Variants in PCDHA4 observed in about 807,000 individuals in gnomAD.
PCDHA4 encodes the protein protocadherin alpha 4, also known as protocadherin alpha-4.
PCDHA4 carries 49 observed loss-of-function variants against 61.4 expected under a neutral mutation model. The ratio of observed to expected loss-of-function variants is 0.80; its 90% CI spans 0.63 to 1.01. PCDHA4 has a LOEUF of 1.01. Ranked by LOEUF, PCDHA4 falls within the 50% of genes least tolerant of loss-of-function variation. The probability of loss-of-function intolerance (pLI) is 0.00; values close to 1 mark genes in which losing one functional copy is unlikely to be tolerated. For missense variants in PCDHA4, 1,254 were observed against 1,235.8 expected, an observed-to-expected ratio of 1.01 and a Z score of -0.22; for synonymous variants, 590 against 550.3, an observed-to-expected ratio of 1.07 and a Z score of -1.01.
At chr5:140,959,859 T>A (rs2095514385) in intron 1 of PCDHA4, among the ~76,000 whole-genome samples, 1 of 152,192 alleles carries the variant, frequency 6.6e-6, no homozygotes, top group South Asian at 2.1e-4. Context: ...AGGAATTATG[T>A]AGCAAAATCT....
In PCDHA4 at chr5:141,000,327, C is replaced by G. The variant is rs555445425; in HGVS notation, c.2534-9300C>G. On this transcript the variant is annotated intron_variant, in intron 3 of 3. Coordinates refer to ENST00000530339, the MANE Select transcript of PCDHA4 (RefSeq NM_018907.4). ...GAGTTCAAGACCAGCTTGGGCAACA[C>G]AGCAAGGCCCTATCTCTCTCTCTGT... is the stretch of plus-strand genomic sequence containing the variant. 3.5e-5 allele frequency among the ~76,000 whole-genome samples: 5 copies of G among 144,706 alleles called. No homozygotes were observed. The South Asian group carries it at 1.1e-3, about 32-fold the overall frequency. 94.9% of individuals were successfully genotyped at this position (144,706 alleles called of 152,430 possible). A position where few individuals can be genotyped will look rare whatever the true frequency, so the allele number is the denominator to read the frequency against.
At chr5:141,002,331 C>T (rs550513057) in intron 3 of PCDHA4, among the ~76,000 whole-genome samples, 1 of 152,372 alleles carries the variant, frequency 6.6e-6, no homozygotes, top group South Asian at 2.1e-4. Context: ...CGGGCTGCAT[C>T]CGCACCCCTT....
rs151227383 is a variant in PCDHA4 at position 140,808,720 on chromosome 5, T to C, written c.1533T>C (p.His511=). 2.3e-4 allele frequency: 366 copies of C among 1,612,062 alleles called. 1 individual carries two copies. In the African/African-American group the frequency reaches 3.8e-3, roughly 17 times the overall value. The stretch of plus-strand genomic sequence containing the variant: ...CGCTGTCGAGCTACGTTTCGGTGCA[T>C]GCGGAGAGCGGCAAGGTGTACGCGC... ...ERALSSYVSV[H]AESGKVYALQ... The change falls in exon 1 of 4, where the codon CAT becomes CAC. Residue 511 remains histidine, a synonymous_variant. Coordinates refer to ENST00000530339, the MANE Select transcript of PCDHA4 (RefSeq NM_018907.4).
chr5:140,877,458 G>C, intron 1 of PCDHA4: 1 of 1,613,814 alleles, frequency 6.2e-7, no homozygotes, highest in Non-Finnish European at 8.5e-7. Context: ...TGACGTCCAC[G>C]GCCACGGTGC....
rs1167217103 is a variant in PCDHA4, at chr5:140,852,143, C to G, written c.2385+42571C>G. 4 of 873,950 alleles carry G rather than the reference C, an allele frequency of 4.6e-6. No individual in the cohort carries two copies. The African/African-American group carries it at 7.3e-5, about 16-fold the overall frequency. 54.1% of individuals were successfully genotyped at this position (873,950 alleles called of 1,614,324 possible). A position where few individuals can be genotyped will look rare whatever the true frequency, so the allele number is the denominator to read the frequency against. ...AATTAAAAACTCAGTAGAGAAAGAT[C>G]AGAATGGCCTTGAGAATAGAGCCAC... is the stretch of plus-strand genomic sequence containing the variant. On this transcript the variant is annotated intron_variant, in intron 1 of 3. Transcript: ENST00000530339.
chr5:140,864,654 C>T (rs1554159035), intron 1 of PCDHA4: 1 of 152,246 alleles, frequency 6.6e-6, no homozygotes, highest in Non-Finnish European at 1.5e-5. Context: ...GTCAGCTCTA[C>T]TTAATTACCT....
intron 1 of PCDHA4, chr5:140,871,198 C>A: frequency 6.2e-7 from 1 of 1,613,730 alleles, no homozygotes; most frequent in Non-Finnish European, 8.5e-7. Flanking sequence ...CAACGTGTAC[C>A]TGATCATCGC....
chr5:140,943,276 AAGAAAG>A (rs2093462778), intron 1 of PCDHA4, among the ~76,000 whole-genome samples: 3 of 135,982 alleles, frequency 2.2e-5, no homozygotes, highest in African/African-American at 8.7e-5. Flanking sequence ...AAAAAAAAAA[AAGAAAG>A]AAAGAATTAA....
intron 3 of PCDHA4, among the ~76,000 whole-genome samples, chr5:140,996,531 G>C (rs782175834): frequency 6.6e-6 from 1 of 152,146 alleles, no homozygotes; most frequent in Non-Finnish European, 1.5e-5. Context: ...GGCCCTGTGT[G>C]TTTTGATATT....
intron 1 of PCDHA4, among the ~76,000 whole-genome samples, chr5:140,971,680 A>C (rs185214999): frequency 1.1e-4 from 17 of 152,268 alleles, no homozygotes; most frequent in African/African-American, 4.1e-4. Context: ...AGAGTAAGGG[A>C]ATTTGTACTC....
chr5:140,875,946 T>C, intron 1 of PCDHA4: 1 of 1,614,222 alleles, frequency 6.2e-7, no homozygotes, highest in Admixed American at 1.7e-5. Context: ...AGGGCGCTTC[T>C]GATGCGGATA....
chr5:140,878,802 A>T (rs2057733011), intron 1 of PCDHA4, among the ~76,000 whole-genome samples: 1 of 152,224 alleles, frequency 6.6e-6, no homozygotes, highest in Non-Finnish European at 1.5e-5. Context: ...TTTTAAAAAC[A>T]TATGGGGGTC....
intron 3 of PCDHA4, among the ~76,000 whole-genome samples, chr5:140,991,246 AT>A (rs1239917412): frequency 6.6e-6 from 1 of 152,206 alleles, no homozygotes; most frequent in African/African-American, 2.4e-5. Context: ...TAAAGGCAGT[AT>A]TTGAACTCAT....
intron 1 of PCDHA4, chr5:140,856,435 G>C (rs2043994865): frequency 6.3e-7 from 1 of 1,598,204 alleles, no homozygotes; most frequent in Non-Finnish European, 8.6e-7. Flanking sequence ...ACGACAACCC[G>C]CCCAGGTTCT....
chr5:140,838,890 A>G (rs1775934707), intron 1 of PCDHA4, among the ~76,000 whole-genome samples: 1 of 152,012 alleles, frequency 6.6e-6, no homozygotes, highest in Non-Finnish European at 1.5e-5. Context: ...ACTCCAGCCT[A>G]GGTGACAGAG....
chr5:140,906,957 G>T (rs1301709159), intron 1 of PCDHA4, among the ~76,000 whole-genome samples: 2 of 152,144 alleles, frequency 1.3e-5, no homozygotes, highest in Admixed American at 6.5e-5. Flanking sequence ...CCAGTTTAAT[G>T]GAATCGTGGT....
rs1554124905 is a variant in PCDHA4, at chr5:140,808,941, T to G, written c.1754T>G (p.Val585Gly). ...GAVSELVPWS[V>G]GVGHVVAKVR... ...GTGAGCGAGCTGGTGCCATGGTCGG[T>G]GGGTGTGGGCCACGTGGTGGCAAAG... The change falls in exon 1 of 4, where the codon GTG (valine) becomes GGG (glycine). Residue 585 changes from valine to glycine, a missense_variant. Physicochemically the swap from Val to Gly is moderately radical, Grantham distance 109. Coordinates refer to ENST00000530339, the MANE Select transcript of PCDHA4 (RefSeq NM_018907.4). 1 of 1,613,526 alleles carries G rather than the reference T, an allele frequency of 6.2e-7. No individual in the cohort carries two copies. The highest frequency in any genetic ancestry group is 1.1e-5 in the South Asian group (1 of 91,042).
At chr5:140,951,560 C>T (rs2094602519) in intron 1 of PCDHA4, among the ~76,000 whole-genome samples, 1 of 151,998 alleles carries the variant, frequency 6.6e-6, no homozygotes. Flanking sequence ...AAGTGCTACG[C>T]ACTTTTAAAC....
At chr5:140,849,904 C>A in intron 1 of PCDHA4, 1 of 1,598,318 alleles carries the variant, frequency 6.3e-7, no homozygotes, top group Non-Finnish European at 8.6e-7. Context: ...AACAACCCGC[C>A]GGGCTGCCAC....
Sources: allele counts gnomAD v4.1 joint callset (sites outside exome capture counted in the v4.1 genomes callset), GRCh38; gene constraint gnomAD v4.1.1; transcripts MANE v1.5; gene names NCBI Gene and HGNC (gene_info 2026-07-23, HGNC 2026-07-21).